CEBPZ: variants seen among roughly 807,000 people sequenced by gnomAD.
The protein encoded by CEBPZ is CCAAT/enhancer-binding protein zeta.
CEBPZ carries 78 observed loss-of-function variants against 104.5 expected under a neutral mutation model. The observed-to-expected ratio is 0.75, with a 90% confidence interval of 0.62 to 0.90. CEBPZ has a LOEUF of 0.90. CEBPZ is among the 40% of genes least tolerant of loss of function. The pLI is 0.00. For synonymous variants in CEBPZ, 470 were observed against 427.0 expected (o/e 1.10, Z -1.24); for missense variants, 1,439 against 1,233.5 (o/e 1.17, Z -2.50).
intron 9 of CEBPZ, 68 bp downstream of exon 9, chr2:37,214,818 C>T (rs965209679): frequency 4.2e-6 from 4 of 948,304 alleles, no homozygotes; most frequent in Non-Finnish European, 6.7e-6. Context: ...TAAAATGAAG[C>T]ATTTTATGAA....
At position 37,228,696 on chromosome 2, in the gene CEBPZ, A is replaced by C. The variant is rs1412314574; in HGVS notation, c.497T>G (p.Ile166Ser). 8 of 1,613,984 alleles carry C rather than the reference A, an allele frequency of 5.0e-6. No individual in the cohort carries two copies. The highest frequency in any genetic ancestry group is 1.3e-5 in the African/African-American group (1 of 74,894). The part of the protein sequence containing the change: ...TPKVKKDKQN[I>S]FEFFERQTLL... ...AGTCTGTCTCTCAAAAAATTCAAAGATGTTCTGTTTATCTTTCTTTACTTT... is the reference window on the plus strand; with the variant it reads ...AGTCTGTCTCTCAAAAAATTCAAAGCTGTTCTGTTTATCTTTCTTTACTTT... The change falls in exon 2 of 16, where the codon ATC becomes AGC. Residue 166 changes from isoleucine (I) to serine (S), a missense_variant. Physicochemically the swap from Ile to Ser is moderately radical, Grantham distance 142. Coordinates refer to ENST00000234170, the MANE Select transcript of CEBPZ (RefSeq NM_005760.3).
Position 37,216,198 on chromosome 2 carries a change from A to C in CEBPZ, c.2322T>G (p.Asp774Glu), listed in dbSNP as rs769818163. 9.9e-6 allele frequency: 16 copies of C among 1,612,360 alleles called. No homozygotes were observed. In the African/African-American group the frequency reaches 1.3e-4, roughly 13 times the overall value. ...TTCTTTTCGGCTGCATCACAACACTATCTGTGTTTTCTGAAATGTAAAATT... is the reference window on the plus strand; with the variant it reads ...TTCTTTTCGGCTGCATCACAACACTCTCTGTGTTTTCTGAAATGTAAAATT... Reference protein sequence around the residue: ...PKPHKGKENTDSVVMQPKRKH... With the variant: ...PKPHKGKENTESVVMQPKRKH... The change falls in exon 8 of 16, where the codon GAT (aspartate) becomes GAG (glutamate). Residue 774 changes from aspartate to glutamate, a missense_variant. Transcript: ENST00000234170.
Position 37,231,493 on chromosome 2 carries a change from C to T in CEBPZ, c.75G>A (p.Pro25=), listed in dbSNP as rs780673286. 1.2e-6 allele frequency: 2 copies of T among 1,614,244 alleles called. No homozygotes were observed. The highest frequency in any genetic ancestry group is 3.3e-5 in the Admixed American group (2 of 60,034). Residue 25 remains proline, a synonymous_variant, in exon 1 of 16, where the codon CCG becomes CCA. Transcript: ENST00000234170. ...TAGTATTATCCTCATCCTCCTCGTC[C>T]GGATCTTCTACTGCCTCCTCGGGGC... ...PWRPEEAVED[P]DEEDEDNTSE...
chr2:37,219,850 C>T (rs1664725177), intron 5 of CEBPZ, among the ~76,000 whole-genome samples: 1 of 152,050 alleles, frequency 6.6e-6, no homozygotes, highest in Admixed American at 6.6e-5. Context: ...CTACAAAAAG[C>T]AACAGTCATA....
chr2:37,223,372 C>A lies in CEBPZ; in HGVS notation c.1679G>T (p.Cys560Phe). 6.2e-7 allele frequency: 1 copy of A among 1,614,134 alleles called. No homozygotes were observed. Among genetic ancestry groups the A allele is most frequent in the East Asian group, 2.2e-5 (1 of 44,876 alleles). Reference sequence around the variant, plus strand: ...GTTAAGAAACATAGCTTGCTTGGAACACGTCATCAACCCTGGATCCAACAT... The same window carrying A: ...GTTAAGAAACATAGCTTGCTTGGAAAACGTCATCAACCCTGGATCCAACAT... The part of the protein sequence containing the change: ...RKMLDPGLMT[C>F]SKQAMFLNLV... The change falls in exon 3 of 16, where the codon TGT becomes TTT. Residue 560 changes from cysteine to phenylalanine, a missense_variant. Coordinates refer to ENST00000234170, the MANE Select transcript of CEBPZ (RefSeq NM_005760.3).
intron 13 of CEBPZ, chr2:37,209,071 T>C (rs112408421): frequency 2.0e-5 from 3 of 150,532 alleles, no homozygotes; most frequent in African/African-American, 7.3e-5. Flanking sequence ...ATAATAATAC[T>C]TAGGAATACA....
rs1358905334 is a variant in CEBPZ at position 37,228,270 on chromosome 2, C to A, written c.923G>T (p.Ser308Ile). The change falls in exon 2 of 16, where the codon AGC becomes ATC. Residue 308 changes from serine to isoleucine, a missense_variant. Ser to Ile is a moderately radical substitution (Grantham distance 142). Transcript: ENST00000234170. ...LPDNRKLRIF[S>I]QRPFDKLEQL... ...TTCCAGTTTGTCAAAAGGACGCTGG[C>A]TGAAAATCCTCAGCTTCCGATTGTC... is the stretch of plus-strand genomic sequence containing the variant. The A allele has an allele frequency of 6.2e-7, 1 of 1,614,064 alleles. No homozygotes were observed. Among genetic ancestry groups the A allele is most frequent in the Non-Finnish European group, 8.5e-7 (1 of 1,180,026 alleles).
At chr2:37,212,739 C>T in intron 10 of CEBPZ, 1 of 214,496 alleles carries the variant, frequency 4.7e-6, no homozygotes, top group Non-Finnish European at 9.2e-6. Context: ...AGGTGTGATA[C>T]AATATGTAAC....
intron 8 of CEBPZ, 38 bp from the exon 9 acceptor site, chr2:37,214,990 C>T (rs1677833736): frequency 7.7e-7 from 1 of 1,294,354 alleles, no homozygotes; most frequent in Admixed American, 1.7e-5. Context: ...CTTCATATAG[C>T]AATCCCCTTT....
At chr2:37,217,936 T>G (rs1477209199) in intron 5 of CEBPZ, among the ~76,000 whole-genome samples, 2 of 141,924 alleles carry the variant, frequency 1.4e-5, no homozygotes, top group East Asian at 4.3e-4. Flanking sequence ...ACAAAAACCA[T>G]AAAGCTACTA....
At chr2:37,218,766 T>C (rs1250972593) in intron 5 of CEBPZ, among the ~76,000 whole-genome samples, 3 of 152,120 alleles carry the variant, frequency 2.0e-5, no homozygotes, top group Non-Finnish European at 4.4e-5. Context: ...TAGCTGGGCA[T>C]GGTGGCATGC....
intron 8 of CEBPZ, 63 bp downstream of exon 8, chr2:37,216,077 C>T (rs1477341610): frequency 7.7e-6 from 9 of 1,173,880 alleles, no homozygotes; most frequent in Admixed American, 6.4e-5. Flanking sequence ...AAGAATAATA[C>T]AATTTATGCA....
At position 37,216,200 on chromosome 2, in the gene CEBPZ, CTG is replaced by C; in HGVS notation, c.2318_2319del (p.Thr773ArgfsTer2). 6.2e-7 allele frequency: 1 copy of C among 1,612,400 alleles called. No homozygotes were observed. ...NPKPHKGKEN[T>X]DSVVMQPKRK... Reference sequence around the variant, plus strand: ...CTTTTCGGCTGCATCACAACACTATCTGTGTTTTCTGAAATGTAAAATTATGA... The same window carrying C: ...CTTTTCGGCTGCATCACAACACTATCTGTTTTCTGAAATGTAAAATTATGA... On this transcript the variant is annotated frameshift_variant, in exon 8 of 16. Transcript: ENST00000234170. LOFTEE classifies it high-confidence loss of function.
rs1664966489 is a variant in CEBPZ, at chr2:37,229,015, T to C, written c.178A>G (p.Thr60Ala). ...GTKQDYLMLA[T>A]LDENEEVIDG... is the part of the protein sequence containing the mutation. ...ATCACTTCCTCATTCTCATCCAAAG[T>C]AGCCAGCATAAGGTAATCTTGCTGC... Residue 60 changes from threonine (T) to alanine (A), a missense_variant, in exon 2 of 16, where the codon ACT (threonine) becomes GCT (alanine). Physicochemically the swap from Thr to Ala is moderately conservative, Grantham distance 58 (BLOSUM62 0). Coordinates refer to ENST00000234170, the MANE Select transcript of CEBPZ (RefSeq NM_005760.3). 1 of 1,564,638 alleles carries C rather than the reference T, an allele frequency of 6.4e-7. No individual in the cohort carries two copies. Among genetic ancestry groups the C allele is most frequent in the Non-Finnish European group, 8.6e-7 (1 of 1,161,178 alleles).
At chr2:37,214,814 G>A (rs1018622018) in intron 9 of CEBPZ, 72 bp downstream of exon 9, 2 of 922,860 alleles carry the variant, frequency 2.2e-6, no homozygotes, top group African/African-American at 1.7e-5. Flanking sequence ...TTCATAAAAT[G>A]AAGCATTTTA....
In CEBPZ at chr2:37,213,926, T is replaced by G. The variant is rs184726546; in HGVS notation, c.2483A>C (p.Lys828Thr). The stretch of plus-strand genomic sequence containing the variant: ...TATACTTTCTTCATCTGCATCCCGT[T>G]TTTGTTTCTCTTTAACAGCAACTTT... Reference protein sequence around the residue: ...YKKVAVKEKQKRDADEESIED... With the variant: ...YKKVAVKEKQTRDADEESIED... The change falls in exon 10 of 16, where the codon AAA becomes ACA. Residue 828 changes from lysine (K) to threonine (T), a missense_variant. Lys to Thr is a moderately conservative substitution (Grantham distance 78). Transcript: ENST00000234170. 86 of 1,591,694 alleles carry G rather than the reference T, an allele frequency of 5.4e-5. No homozygotes were observed. In the East Asian group the frequency reaches 1.9e-3, roughly 34 times the overall value.
chr2:37,212,295 A>T (rs771841246), intron 11 of CEBPZ, 40 bp downstream of exon 11: 4 of 1,563,470 alleles, frequency 2.6e-6, no homozygotes, highest in Non-Finnish European at 3.5e-6. Context: ...AATTTGGGAA[A>T]TGCTAGAAAA....
Position 37,223,172 on chromosome 2 carries a change from G to A in CEBPZ, c.1879C>T (p.Pro627Ser), listed in dbSNP as rs767073685. 2 of 1,610,808 alleles carry A rather than the reference G, an allele frequency of 1.2e-6. No individual in the cohort carries two copies. Among genetic ancestry groups the A allele is most frequent in the South Asian group, 2.2e-5 (2 of 90,846 alleles). Residue 627 changes from proline to serine, a missense_variant and splice_region_variant, in exon 3 of 16, where the codon CCG (proline) becomes TCG (serine). Pro to Ser is a moderately conservative substitution (Grantham distance 74, BLOSUM62 -1). Coordinates refer to ENST00000234170, the MANE Select transcript of CEBPZ (RefSeq NM_005760.3). ...TAAAAAGCAGTTGTAAAATATACCG[G>A]ATGATCATCTAGTTGGCTTCTTAAA... ...PGLRSQLDDH[P>S]ESDDEENFID... is the part of the protein sequence containing the mutation.
chr2:37,216,310 G>T lies in CEBPZ; in HGVS notation c.2311+6C>A. On this transcript the variant is annotated splice_donor_region_variant and intron_variant, in intron 7 of 15. Coordinates refer to ENST00000234170, the MANE Select transcript of CEBPZ (RefSeq NM_005760.3). ...AAGCCAAATAATTCACTAAATAGAAGCATACCTTTGCCTTTATGGGGCTTT... is the reference window on the plus strand; with the variant it reads ...AAGCCAAATAATTCACTAAATAGAATCATACCTTTGCCTTTATGGGGCTTT... The T allele has an allele frequency of 6.2e-7, 1 of 1,611,290 alleles. No homozygotes were observed. The highest frequency in any genetic ancestry group is 1.3e-5 in the African/African-American group (1 of 74,928).
Sources: allele counts gnomAD v4.1 joint callset (sites outside exome capture counted in the v4.1 genomes callset), GRCh38; gene constraint gnomAD v4.1.1; transcripts MANE v1.5; gene names NCBI Gene and HGNC (gene_info 2026-07-23, HGNC 2026-07-21).